BMPR1B: variants seen among roughly 807,000 people sequenced by gnomAD.
BMPR1B encodes bone morphogenetic protein receptor type 1B.
In BMPR1B, 12 loss-of-function variants were observed where a neutral mutation model predicts 59.1. The observed-to-expected ratio is 0.20, with a 90% CI of 0.13 to 0.33. BMPR1B has a LOEUF of 0.33. Among genes scored for constraint, BMPR1B ranks in the 10% least tolerant of loss-of-function variants. The pLI is 1.00. For synonymous variants in BMPR1B, 237 were observed against 207.3 expected, an observed-to-expected ratio of 1.14 and a Z score of -1.23; for missense variants, 550 against 610.9, an observed-to-expected ratio of 0.90 and a Z score of 1.05.
intron 3 of BMPR1B, among the ~76,000 whole-genome samples, chr4:95,081,126 G>A (rs1309612638): frequency 6.6e-6 from 1 of 152,028 alleles, no homozygotes; most frequent in East Asian, 1.9e-4. Context: ...TCTTTTGCTT[G>A]GCACTTCTCC....
At chr4:94,766,714 A>G (rs1721985380) in intron 1 of BMPR1B, among the ~76,000 whole-genome samples, 1 of 151,926 alleles carries the variant, frequency 6.6e-6, no homozygotes, top group Admixed American at 6.6e-5. Context: ...AGTAGCCACC[A>G]TTAGCATTTT....
rs529036699 is a variant in BMPR1B at position 95,157,291 on chromosome 4, A to T, written c.*2618A>T. 2 of 152,246 alleles carry T rather than the reference A, an allele frequency of 1.3e-5. No homozygotes were observed. The highest frequency in any genetic ancestry group is 4.1e-4 in the South Asian group (2 of 4,824). 9.4% of individuals were successfully genotyped at this position (152,246 alleles called of 1,614,324 possible). A position where few individuals can be genotyped will look rare whatever the true frequency, so the allele number is the denominator to read the frequency against. ...TGCTCAATGAAACAAGAATTTATTT[A>T]TGCATAGATTTTTCTCTGTATCTTA... On this transcript the variant is annotated 3_prime_UTR_variant, in exon 13 of 13. Coordinates refer to ENST00000515059, the MANE Select transcript of BMPR1B (RefSeq NM_001203.3).
At chr4:95,150,981 T>G (rs1734998286) in intron 11 of BMPR1B, among the ~76,000 whole-genome samples, 1 of 152,214 alleles carries the variant, frequency 6.6e-6, no homozygotes, top group African/African-American at 2.4e-5. Flanking sequence ...ATAAGCGATT[T>G]TATTTTTCCA....
At chr4:95,073,922 G>A (rs1043474164) in intron 3 of BMPR1B, among the ~76,000 whole-genome samples, 24 of 152,306 alleles carry the variant, frequency 1.6e-4, no homozygotes, top group Admixed American at 3.3e-4. Context: ...AAAGCAGAAT[G>A]TGGTGGCATA....
At chr4:95,030,832 C>A (rs1317792875) in intron 3 of BMPR1B, among the ~76,000 whole-genome samples, 2 of 152,120 alleles carry the variant, frequency 1.3e-5, no homozygotes, top group African/African-American at 4.8e-5. Flanking sequence ...AGGACCTCTT[C>A]AAGGAGAACT....
chr4:94,987,945 T>G (rs1721517754), intron 2 of BMPR1B, among the ~76,000 whole-genome samples: 2 of 152,158 alleles, frequency 1.3e-5, no homozygotes, highest in African/African-American at 4.8e-5. Context: ...ATCTGGATAT[T>G]AGAATCATCC....
At chr4:94,914,516 C>T (rs1179742033) in intron 2 of BMPR1B, among the ~76,000 whole-genome samples, 1 of 152,062 alleles carries the variant, frequency 6.6e-6, no homozygotes, top group African/African-American at 2.4e-5. Flanking sequence ...AGCTGAGGAA[C>T]TGCAGTGCTT....
intron 1 of BMPR1B, among the ~76,000 whole-genome samples, chr4:94,777,997 G>T (rs1374291947): frequency 2.0e-5 from 3 of 151,684 alleles, no homozygotes; most frequent in Non-Finnish European, 4.4e-5. Context: ...TTGCACTCCA[G>T]CCTGGGCGAC....
intron 2 of BMPR1B, chr4:94,995,825 A>C (rs2149102727): frequency 6.6e-6 from 1 of 152,334 alleles, no homozygotes; most frequent in Admixed American, 6.5e-5. Context: ...TTGCCGGAGT[A>C]TTACCACGGT....
chr4:94,907,435 T>C (rs987471433), intron 2 of BMPR1B, among the ~76,000 whole-genome samples: 1 of 152,108 alleles, frequency 6.6e-6, no homozygotes, highest in African/African-American at 2.4e-5. Flanking sequence ...GTCTGTTCTA[T>C]GTTAGGAGCT....
intron 3 of BMPR1B, among the ~76,000 whole-genome samples, chr4:95,036,124 A>G (rs1016067327): frequency 6.6e-6 from 1 of 152,024 alleles, no homozygotes; most frequent in African/African-American, 2.4e-5. Flanking sequence ...ATTTGTGTTC[A>G]TTGATTTTGG....
chr4:94,946,103 CT>C (rs1370976234), intron 2 of BMPR1B, among the ~76,000 whole-genome samples: 1 of 151,998 alleles, frequency 6.6e-6, no homozygotes, highest in African/African-American at 2.4e-5. Flanking sequence ...TAACAATAAT[CT>C]TGCAAATATT....
chr4:95,053,281 TTGTGTGTGTGTG>T (rs60404669), intron 3 of BMPR1B, among the ~76,000 whole-genome samples: 32 of 134,322 alleles, frequency 2.4e-4, no homozygotes, highest in South Asian at 1.3e-3. Flanking sequence ...TGCAGGGCAC[TTGTGTGTGTGTG>T]TGTGTGTGTG....
At chr4:94,993,587 C>T (rs1282557537) in intron 2 of BMPR1B, among the ~76,000 whole-genome samples, 1 of 151,524 alleles carries the variant, frequency 6.6e-6, no homozygotes, top group Non-Finnish European at 1.5e-5. Flanking sequence ...TGGCAAAACA[C>T]CCATCTCTAC....
In BMPR1B at chr4:94,900,338, C is replaced by CAAA. The variant is rs34541975; in HGVS notation, c.-113+24452_-113+24454dup. On this transcript the variant is annotated intron_variant, in intron 2 of 12. Coordinates refer to ENST00000515059, the MANE Select transcript of BMPR1B (RefSeq NM_001203.3). Reference sequence around the variant, plus strand: ...TGGAAATAGAGGATAAAGTGGCCAGCAAAAAAAAAAAAAAAATAGCCTAAC... The same window carrying CAAA: ...TGGAAATAGAGGATAAAGTGGCCAGCAAAAAAAAAAAAAAAAAAATAGCCTAAC... Among the ~76,000 whole-genome samples the CAAA allele has an allele frequency of 4.5e-3, 495 of 110,208 alleles. 2 individuals are homozygous for CAAA. The highest frequency in any genetic ancestry group is 0.018 in the Middle Eastern group (3 of 168). 72.3% of individuals were successfully genotyped at this position (110,208 alleles called of 152,430 possible). A position where few individuals can be genotyped will look rare whatever the true frequency, so the allele number is the denominator to read the frequency against.
At chr4:94,965,995 A>AT (rs1730543895) in intron 2 of BMPR1B, among the ~76,000 whole-genome samples, 1 of 152,198 alleles carries the variant, frequency 6.6e-6, no homozygotes, top group Admixed American at 6.5e-5. Flanking sequence ...GAGAATGGAC[A>AT]TGCCACCATA....
intron 2 of BMPR1B, among the ~76,000 whole-genome samples, chr4:94,900,424 A>G (rs547962763): frequency 1.3e-5 from 2 of 152,154 alleles, no homozygotes; most frequent in South Asian, 2.1e-4. Context: ...GTATTTGTAA[A>G]TGCAAAATTG....
At position 94,868,172 on chromosome 4, in the gene BMPR1B, C is replaced by CT. The variant is rs1198090327; in HGVS notation, c.-182-7650dup. On this transcript the variant is annotated intron_variant, in intron 1 of 12. Coordinates refer to ENST00000515059, the MANE Select transcript of BMPR1B (RefSeq NM_001203.3). ...GCCACCATACCCAGCCTTACTTCTT[C>CT]TTTTTTTTTCTTTTGAGACGGGGTC... 7.4e-5 allele frequency among the ~76,000 whole-genome samples: 11 copies of CT among 148,484 alleles called. No individual in the cohort carries two copies. The South Asian group carries it at 1.3e-3, about 17-fold the overall frequency.
At chr4:94,954,794 G>A (rs1437136222) in intron 2 of BMPR1B, among the ~76,000 whole-genome samples, 1 of 152,062 alleles carries the variant, frequency 6.6e-6, no homozygotes, top group East Asian at 1.9e-4. Flanking sequence ...TATTTATAAA[G>A]CACTTAGAAT....
Sources: gnomAD v4.1 joint callset for allele counts (sites outside exome capture counted in the v4.1 genomes callset) on GRCh38, gnomAD v4.1.1 for gene constraint, MANE v1.5 for transcripts, NCBI Gene and HGNC (gene_info 2026-07-23, HGNC 2026-07-21) for gene names.